Variants in CYTH4 observed in about 807,000 individuals in gnomAD.
CYTH4 encodes the protein cytohesin 4, also known as cytohesin-4.
A neutral mutation model predicts 57.5 loss-of-function variants in CYTH4; 22 were observed. That is an observed-to-expected ratio of 0.38 (90% CI 0.27 to 0.55). CYTH4 has a LOEUF of 0.55. Ranked by LOEUF, CYTH4 falls within the 20% of genes least tolerant of loss-of-function variation. The probability of loss-of-function intolerance (pLI) is 0.74; values close to 1 mark genes in which losing one functional copy is unlikely to be tolerated. For missense variants in CYTH4, 420 were observed against 535.6 expected, an observed-to-expected ratio of 0.78 and a Z score of 2.13; for synonymous variants, 186 against 206.5, an observed-to-expected ratio of 0.90 and a Z score of 0.85.
chr22:37,313,146 G>A (rs903834023), intron 12 of CYTH4, among the ~76,000 whole-genome samples: 3 of 152,232 alleles, frequency 2.0e-5, no homozygotes, highest in Non-Finnish European at 4.4e-5. Context: ...TCCGAAGGTC[G>A]CCAGTGGGAG....
At position 37,311,744 on chromosome 22, in the gene CYTH4, C is replaced by A; in HGVS notation, c.957+217C>A. 1 of 653,612 alleles carries A rather than the reference C, an allele frequency of 1.5e-6. No individual in the cohort carries two copies. The highest frequency in any genetic ancestry group is 2.6e-6 in the Non-Finnish European group (1 of 383,196). 40.5% of individuals were successfully genotyped at this position (653,612 alleles called of 1,614,324 possible). On this transcript the variant is annotated intron_variant, in intron 11 of 12. Coordinates refer to ENST00000248901, the MANE Select transcript of CYTH4 (RefSeq NM_013385.5). The surrounding 1 kb of genome is among the most constrained non-coding windows in gnomAD (Gnocchi z 4.4). ...AGGACGTGGTTGTCCCCTGTTGTCC[C>A]ACACAGCCCGACTGGCTGGATGGCC...
rs191085522 is a variant in CYTH4 at position 37,282,508 on chromosome 22, G to C, written c.-62G>C. On this transcript the variant is annotated 5_prime_UTR_variant, in exon 1 of 13. Coordinates refer to ENST00000248901, the MANE Select transcript of CYTH4 (RefSeq NM_013385.5). Reference sequence around the variant, plus strand: ...TGACGCATCCTTGCCGGGCCAGCCCGAACAGCAGCTGGGTCGGCAAGCGAC... The same window carrying C: ...TGACGCATCCTTGCCGGGCCAGCCCCAACAGCAGCTGGGTCGGCAAGCGAC... The C allele has an allele frequency of 1.2e-6, 2 of 1,611,128 alleles. No individual in the cohort carries two copies. Among genetic ancestry groups the C allele is most frequent in the Non-Finnish European group, 1.7e-6 (2 of 1,178,834 alleles).
intron 8 of CYTH4, among the ~76,000 whole-genome samples, chr22:37,305,782 G>A (rs1179528410): frequency 6.6e-6 from 1 of 152,236 alleles, no homozygotes; most frequent in Non-Finnish European, 1.5e-5. Flanking sequence ...GGCCCAATTT[G>A]CAAAATTAAG....
At position 37,309,104 on chromosome 22, in the gene CYTH4, T is replaced by A. The variant is rs553430093; in HGVS notation, c.697-108T>A. ...ACGATAAACAGGTGAGGAAAGAGTA[T>A]GCCTGCAGGTGAGTGACCTGCTCAA... On this transcript the variant is annotated intron_variant, in intron 8 of 12. Transcript: ENST00000248901. The A allele has an allele frequency of 2.0e-5, 16 of 806,030 alleles. No individual in the cohort carries two copies. In the East Asian group the frequency reaches 4.4e-4, roughly 22 times the overall value. The allele number at this position is 806,030 out of a possible 1,614,324, so 49.9% of individuals were successfully genotyped here. A position where few individuals can be genotyped will look rare whatever the true frequency, so the allele number is the denominator to read the frequency against.
intron 8 of CYTH4, among the ~76,000 whole-genome samples, chr22:37,306,005 G>A (rs1235902160): frequency 6.6e-6 from 1 of 152,194 alleles, no homozygotes. Flanking sequence ...AGGGATGGGA[G>A]GTCAAATCCC....
intron 12 of CYTH4, 70 bp downstream of exon 12, chr22:37,312,244 G>A: frequency 6.3e-7 from 1 of 1,581,804 alleles, no homozygotes; most frequent in Non-Finnish European, 8.6e-7. Context: ...TTTGGGTCTT[G>A]CTTCCTTATC....
chr22:37,296,877 G>A (rs1928989254), intron 4 of CYTH4, among the ~76,000 whole-genome samples: 1 of 152,306 alleles, frequency 6.6e-6, no homozygotes, highest in Non-Finnish European at 1.5e-5. Flanking sequence ...TTCCAGCAGT[G>A]GAACACAGAG....
At chr22:37,286,773 G>A (rs1259368593) in intron 1 of CYTH4, among the ~76,000 whole-genome samples, 2 of 152,152 alleles carry the variant, frequency 1.3e-5, no homozygotes, top group Non-Finnish European at 2.9e-5. Flanking sequence ...GGGGCACAGT[G>A]TGAGAGGAGC....
intron 8 of CYTH4, among the ~76,000 whole-genome samples, chr22:37,303,996 A>C (rs1929298535): frequency 6.6e-6 from 1 of 152,138 alleles, no homozygotes; most frequent in African/African-American, 2.4e-5. Context: ...GTCTGGTGGG[A>C]GGACTGTACA....
chr22:37,300,331 C>CA (rs1929134705), intron 6 of CYTH4: 3 of 697,808 alleles, frequency 4.3e-6, no homozygotes, highest in Admixed American at 2.0e-5. Context: ...CATATTCATT[C>CA]ATTCATTCAC....
intron 2 of CYTH4, 97 bp downstream of exon 2, chr22:37,292,800 A>C: frequency 7.8e-7 from 1 of 1,278,160 alleles, no homozygotes. Context: ...GTCAACAGAC[A>C]GTGTGGCCAA....
At chr22:37,292,593 A>T (rs776408538) in intron 1 of CYTH4, 28 bp from the exon 2 acceptor site, 1 of 1,611,448 alleles carries the variant, frequency 6.2e-7, no homozygotes. Flanking sequence ...GAGCCAAGTG[A>T]TGGGGAAGGC....
At chr22:37,313,379 G>A (rs1246518411) in intron 12 of CYTH4, 60 bp from the exon 13 acceptor site, 37 of 1,545,184 alleles carry the variant, frequency 2.4e-5, no homozygotes, top group Non-Finnish European at 3.1e-5. Context: ...CAAGCCCTGG[G>A]AGAGCAGACC....
intron 1 of CYTH4, among the ~76,000 whole-genome samples, chr22:37,290,407 C>T (rs1349526643): frequency 6.6e-6 from 1 of 152,206 alleles, no homozygotes; most frequent in Non-Finnish European, 1.5e-5. Context: ...AGGACTCTTC[C>T]CTTGGAACCC....
chr22:37,289,993 G>A (rs1221445370), intron 1 of CYTH4, among the ~76,000 whole-genome samples: 1 of 152,192 alleles, frequency 6.6e-6, no homozygotes, highest in South Asian at 2.1e-4. Context: ...TCTCTTCGCT[G>A]TGGGGATGAT....
At chr22:37,296,186 G>A in intron 4 of CYTH4, 121 bp downstream of exon 4, 2 of 1,054,008 alleles carry the variant, frequency 1.9e-6, no homozygotes, top group Non-Finnish European at 2.7e-6. Context: ...GCTGTGCCCA[G>A]CAGAGCTGAG....
At chr22:37,284,627 G>C (rs1053536865) in intron 1 of CYTH4, among the ~76,000 whole-genome samples, 2 of 152,194 alleles carry the variant, frequency 1.3e-5, no homozygotes, top group Non-Finnish European at 1.5e-5. Flanking sequence ...GGGAAGCGGG[G>C]ATTGGGAGTT....
At position 37,311,772 on chromosome 22, in the gene CYTH4, G is replaced by A. The variant is rs144148169; in HGVS notation, c.957+245G>A. On this transcript the variant is annotated intron_variant, in intron 11 of 12. Transcript: ENST00000248901. The surrounding 1 kb of genome is among the most constrained non-coding windows in gnomAD (Gnocchi z 4.4). ...ACAGCCCGACTGGCTGGATGGCCCC[G>A]AGTAAGCTCCACTCCATTCAGAACC... 261 of 657,668 alleles carry A rather than the reference G, an allele frequency of 4.0e-4. 1 individual carries two copies. In the East Asian group the frequency reaches 6.9e-3, roughly 17 times the overall value. The allele number at this position is 657,668 out of a possible 1,614,324, so 40.7% of individuals were successfully genotyped here.
rs754367336 is a variant in CYTH4 at position 37,300,898 on chromosome 22, C to T, written c.435-9C>T. The T allele has an allele frequency of 6.2e-7, 1 of 1,612,872 alleles. No individual in the cohort carries two copies. Among genetic ancestry groups the T allele is most frequent in the East Asian group, 2.2e-5 (1 of 44,878 alleles). ...CACTCCACTGCCCGTGGCCCCGTTT[C>T]TCCCCCAGGCAGTTCCTGTGGAGCT... On this transcript the variant is annotated splice_polypyrimidine_tract_variant and intron_variant, in intron 6 of 12. Transcript: ENST00000248901.
Sources: allele counts gnomAD v4.1 joint callset (sites outside exome capture counted in the v4.1 genomes callset), GRCh38; gene constraint gnomAD v4.1.1; non-coding constraint Gnocchi (gnomAD v3.1); transcripts MANE v1.5; gene names NCBI Gene and HGNC (gene_info 2026-07-23, HGNC 2026-07-21).